Variants in MDFIC2 observed in about 807,000 individuals in gnomAD.
MDFIC2 encodes myoD family inhibitor domain-containing protein 2.
rs78969853 is a variant in MDFIC2 at position 70,269,978 on chromosome 3, G to A, written c.88+41908C>T. On this transcript the variant is annotated intron_variant, in intron 2 of 3. Transcript: ENST00000567252. The stretch of plus-strand genomic sequence containing the variant: ...GAAAATGATCCTCAAATAAAGAGAA[G>A]GAAGGGAAAACAGATCGAAACAAAC... 4.1e-3 allele frequency among the ~76,000 whole-genome samples: 622 copies of A among 152,202 alleles called. 3 individuals carry two copies. The highest frequency in any genetic ancestry group is 0.014 in the African/African-American group (594 of 41,536).
At chr3:70,220,178 G>A (rs1431383539) in intron 2 of MDFIC2, among the ~76,000 whole-genome samples, 2 of 151,940 alleles carry the variant, frequency 1.3e-5, no homozygotes, top group African/African-American at 2.4e-5. Context: ...AGAGAATAAG[G>A]TTATATTCCA....
chr3:70,290,747 G>A (rs1702228843), intron 2 of MDFIC2, among the ~76,000 whole-genome samples: 1 of 152,216 alleles, frequency 6.6e-6, no homozygotes, highest in South Asian at 2.1e-4. Context: ...GCCAGGTGCA[G>A]GTTATAATCT....
At chr3:70,255,192 AG>A (rs1324799518) in intron 2 of MDFIC2, among the ~76,000 whole-genome samples, 1 of 152,248 alleles carries the variant, frequency 6.6e-6, no homozygotes, top group African/African-American at 2.4e-5. Flanking sequence ...GTCTAAAAAA[AG>A]AAAAGTAAAA....
intron 2 of MDFIC2, among the ~76,000 whole-genome samples, chr3:70,246,625 G>A (rs1211535922): frequency 3.3e-5 from 5 of 152,042 alleles, no homozygotes; most frequent in African/African-American, 1.2e-4. Flanking sequence ...TAACTGAAAC[G>A]TATTTAAGGG....
intron 2 of MDFIC2, among the ~76,000 whole-genome samples, chr3:70,226,463 C>T (rs559920050): frequency 3.1e-4 from 47 of 152,088 alleles, no homozygotes; most frequent in Non-Finnish European, 6.0e-4. Context: ...CAAGGCTGGG[C>T]GCAGTGGCTC....
chr3:70,266,890 C>T (rs1039105723), intron 2 of MDFIC2, among the ~76,000 whole-genome samples: 2 of 152,204 alleles, frequency 1.3e-5, no homozygotes, highest in African/African-American at 4.8e-5. Flanking sequence ...CTGACACATC[C>T]ACTGCCTGCC....
intron 2 of MDFIC2, among the ~76,000 whole-genome samples, chr3:70,286,881 T>C (rs1702170583): frequency 6.6e-6 from 1 of 152,220 alleles, no homozygotes; most frequent in East Asian, 1.9e-4. Flanking sequence ...TGTATAAGAA[T>C]GCTTGTGATT....
intron 2 of MDFIC2, among the ~76,000 whole-genome samples, chr3:70,285,510 A>G (rs1272347999): frequency 1.3e-5 from 2 of 152,050 alleles, no homozygotes; most frequent in Non-Finnish European, 2.9e-5. Context: ...TAATGCCGCA[A>G]TAAAAATACG....
intron 2 of MDFIC2, among the ~76,000 whole-genome samples, chr3:70,246,216 T>A (rs1701707406): frequency 6.6e-6 from 1 of 152,052 alleles, no homozygotes; most frequent in African/African-American, 2.4e-5. Flanking sequence ...CATTTTTAAT[T>A]TTTGATATTT....
intron 2 of MDFIC2, among the ~76,000 whole-genome samples, chr3:70,307,468 T>A (rs1251044715): frequency 6.6e-6 from 1 of 152,172 alleles, no homozygotes; most frequent in Admixed American, 6.6e-5. Flanking sequence ...CTTGGCTTAA[T>A]GGGGTATTAC....
intron 3 of MDFIC2, among the ~76,000 whole-genome samples, chr3:70,200,905 C>T (rs115258049): frequency 0.017 from 2,354 of 136,388 alleles, 70 homozygotes; most frequent in African/African-American, 0.06. Context: ...CTCTATCCCA[C>T]TGTTATATGT....
At chr3:70,310,415 G>A (rs972166519) in intron 2 of MDFIC2, among the ~76,000 whole-genome samples, 1 of 151,838 alleles carries the variant, frequency 6.6e-6, no homozygotes, top group African/African-American at 2.4e-5. Context: ...ACCCAGGCTG[G>A]AGTGCAGTGG....
intron 2 of MDFIC2, among the ~76,000 whole-genome samples, chr3:70,233,981 T>C (rs8180009): frequency 0.11 from 17,104 of 152,204 alleles, 1,661 homozygotes; most frequent in African/African-American, 0.27. Context: ...GATATTTCTC[T>C]TGGCTAAAAC....
At chr3:70,311,523 T>A (rs1330657654) in intron 2 of MDFIC2, among the ~76,000 whole-genome samples, 2 of 152,220 alleles carry the variant, frequency 1.3e-5, no homozygotes, top group South Asian at 2.1e-4. Context: ...TCTGTGATTA[T>A]TATTTAAAAA....
chr3:70,298,243 G>T (rs1290330934), intron 2 of MDFIC2, among the ~76,000 whole-genome samples: 1 of 152,006 alleles, frequency 6.6e-6, no homozygotes, highest in Non-Finnish European at 1.5e-5. Context: ...GATCATAGTT[G>T]ATTCTGCCAC....
intron 2 of MDFIC2, among the ~76,000 whole-genome samples, chr3:70,286,692 C>T (rs1263714022): frequency 6.6e-6 from 1 of 152,094 alleles, no homozygotes; most frequent in Non-Finnish European, 1.5e-5. Context: ...TACCCATGAG[C>T]ATGGAATGTT....
chr3:70,251,386 A>T (rs1291052292), intron 2 of MDFIC2, among the ~76,000 whole-genome samples: 1 of 152,170 alleles, frequency 6.6e-6, no homozygotes, highest in Non-Finnish European at 1.5e-5. Flanking sequence ...TGATTTTTTT[A>T]TCTGACTATG....
chr3:70,212,162 A>G (rs1213612484), intron 2 of MDFIC2, among the ~76,000 whole-genome samples: 2 of 152,118 alleles, frequency 1.3e-5, no homozygotes, highest in Non-Finnish European at 2.9e-5. Context: ...TGCCAAGCAT[A>G]AACTACACTC....
intron 2 of MDFIC2, among the ~76,000 whole-genome samples, chr3:70,274,331 A>G (rs763623212): frequency 2.0e-5 from 3 of 152,152 alleles, no homozygotes; most frequent in African/African-American, 4.8e-5. Context: ...AACAAGGTTG[A>G]GAATCATCAT....
Sources: allele counts gnomAD v4.1 joint callset (sites outside exome capture counted in the v4.1 genomes callset), GRCh38; gene constraint gnomAD v4.1.1; transcripts MANE v1.5; gene names NCBI Gene and HGNC (gene_info 2026-07-23, HGNC 2026-07-21).